The following CARD14 variants were observed in gnomAD, a reference collection of about 807,000 sequenced individuals.
CARD14 encodes caspase recruitment domain-containing protein 14.
In CARD14, 107 loss-of-function variants were observed where a neutral mutation model predicts 111.5. The observed-to-expected ratio is 0.96, with a 90% CI of 0.82 to 1.13. The LOEUF is 1.13. Among genes scored for constraint, CARD14 ranks in the 50% most tolerant of loss-of-function variants. CARD14 has a pLI of 0.00. For synonymous variants in CARD14, 617 were observed against 579.6 expected, an observed-to-expected ratio of 1.06 and a Z score of -0.93; for missense variants, 1,322 against 1,362.3, an observed-to-expected ratio of 0.97 and a Z score of 0.47.
intron 1 of CARD14, among the ~76,000 whole-genome samples, chr17:80,171,125 G>T (rs2144056106): frequency 6.7e-6 from 1 of 149,784 alleles, no homozygotes; most frequent in East Asian, 2.0e-4. Context: ...ACGGGCGTGA[G>T]CCACGGCTCC....
Position 80,207,051 on chromosome 17 carries a change from G to A in CARD14, c.2773G>A (p.Val925Ile), listed in dbSNP as rs372586928. 2.7e-4 allele frequency: 428 copies of A among 1,613,848 alleles called. No homozygotes were observed. The highest frequency in any genetic ancestry group is 6.8e-4 in the Admixed American group (41 of 60,010). Residue 925 changes from valine (V) to isoleucine (I), a missense_variant, in exon 23 of 24, where the codon GTC (valine) becomes ATC (isoleucine). Coordinates refer to ENST00000648509, the MANE Select transcript of CARD14 (RefSeq NM_001366385.1). ...GGACATCTTCCCCATCGTCATCCAC[G>A]TCTCTGTCAACGAGAAGATGGCAAA... ...RMDIFPIVIH[V>I]SVNEKMAKKL...
At chr17:80,192,696 G>A in intron 12 of CARD14, 77 bp downstream of exon 12, 1 of 983,662 alleles carries the variant, frequency 1.0e-6, no homozygotes, top group Admixed American at 1.9e-5. Context: ...CAGGACGAAA[G>A]TGAGCCTCCT....
Position 80,198,094 on chromosome 17 carries a change from C to T in CARD14, c.1595-5C>T. ...AAGATCTGTGAGCTCTTGGCTTCCT[C>T]CCAGACCTTCCGCAGCTGGAAAGCA... On this transcript the variant is annotated splice_region_variant and splice_polypyrimidine_tract_variant and intron_variant, in intron 14 of 23. Coordinates refer to ENST00000648509, the MANE Select transcript of CARD14 (RefSeq NM_001366385.1). The surrounding 1 kb of genome is among the most constrained non-coding windows in gnomAD (Gnocchi z 7.5). 1 of 1,613,432 alleles carries T rather than the reference C, an allele frequency of 6.2e-7. No homozygotes were observed. The highest frequency in any genetic ancestry group is 2.2e-5 in the East Asian group (1 of 44,864).
Position 80,204,326 on chromosome 17 carries a change from C to A in CARD14, c.2383C>A (p.Pro795Thr). 1.3e-6 allele frequency: 2 copies of A among 1,581,060 alleles called. No homozygotes were observed. The highest frequency in any genetic ancestry group is 2.7e-5 in the African/African-American group (2 of 74,268). Residue 795 changes from proline to threonine, a missense_variant, in exon 20 of 24, where the codon CCC becomes ACC. Transcript: ENST00000648509. Reference sequence around the variant, plus strand: ...GTCCTTTGACAGGGGCCAGTTGGACCCCAGCAGGATGGAGGGTGAGGCCTG... The same window carrying A: ...GTCCTTTGACAGGGGCCAGTTGGACACCAGCAGGATGGAGGGTGAGGCCTG... ...RLSFDRGQLD[P>T]SRMEGSSTCF...
intron 2 of CARD14, among the ~76,000 whole-genome samples, chr17:80,175,836 G>A (rs1215466259): frequency 6.6e-6 from 1 of 151,792 alleles, no homozygotes; most frequent in Non-Finnish European, 1.5e-5. Flanking sequence ...CCCTGGGGTG[G>A]CAGGGGCAGA....
intron 16 of CARD14, chr17:80,200,632 G>A (rs1490753554): frequency 6.6e-6 from 1 of 152,154 alleles, no homozygotes; most frequent in Non-Finnish European, 1.5e-5. Flanking sequence ...CCACAGACCG[G>A]GTTGTGGGGG....
At chr17:80,199,733 A>AC (rs2040873251) in intron 16 of CARD14, among the ~76,000 whole-genome samples, 1 of 150,954 alleles carries the variant, frequency 6.6e-6, no homozygotes, top group South Asian at 2.1e-4. Flanking sequence ...ACAAAAAAAA[A>AC]AAAAAAATAG....
In CARD14 at chr17:80,198,427, C is replaced by T. The variant is rs560820008; in HGVS notation, c.1687C>T (p.Arg563Cys). 56 of 1,607,456 alleles carry T rather than the reference C, an allele frequency of 3.5e-5. No homozygotes were observed. Among genetic ancestry groups the T allele is most frequent in the South Asian group, 1.2e-4 (11 of 90,752 alleles). Reference protein sequence around the residue: ...SGVLMRRRPARRILSQVTMLA... With the variant: ...SGVLMRRRPACRILSQVTMLA... ...CGTCCTCATGCGGCGGAGGCCAGCC[C>T]GCAGGATCCTGAGCCAGGTCACCAT... Residue 563 changes from arginine to cysteine, a missense_variant, in exon 16 of 24, where the codon CGC becomes TGC. By Grantham distance (180) the Arg-to-Cys change is radical (BLOSUM62 -3). Transcript: ENST00000648509. This position sits in a 1 kb window ranked among gnomAD's most constrained non-coding sequence, Gnocchi z 7.5.
Position 80,178,580 on chromosome 17 carries a change from C to A in CARD14, c.-294C>A, listed in dbSNP as rs1395347356. On this transcript the variant is annotated 5_prime_UTR_variant, in exon 3 of 24. Transcript: ENST00000648509. ...AGGAGGCAGCTGGCACCACACTGGGCTTTGGAGACACTGCGGGGACTGTGG... is the reference window on the plus strand; with the variant it reads ...AGGAGGCAGCTGGCACCACACTGGGATTTGGAGACACTGCGGGGACTGTGG... The A allele has an allele frequency of 6.6e-6, 1 of 152,338 alleles. No homozygotes were observed. Among genetic ancestry groups the A allele is most frequent in the Admixed American group, 6.5e-5 (1 of 15,272 alleles). 9.4% of individuals were successfully genotyped at this position (152,338 alleles called of 1,614,324 possible).
In CARD14 at chr17:80,184,032, C is replaced by G; in HGVS notation, c.469C>G (p.Gln157Glu). 1 of 1,587,016 alleles carries G rather than the reference C, an allele frequency of 6.3e-7. No homozygotes were observed. The highest frequency in any genetic ancestry group is 8.6e-7 in the Non-Finnish European group (1 of 1,166,540). Residue 157 changes from glutamine (Q) to glutamate (E), a missense_variant, in exon 7 of 24, where the codon CAG (glutamine) becomes GAG (glutamate). Coordinates refer to ENST00000648509, the MANE Select transcript of CARD14 (RefSeq NM_001366385.1). ...GCTGCTGCGGCGGTGCCAGCAGCTG[C>G]AGGAGCACCTGGGCCTGGCCGAGAC... ...EVLLRRCQQL[Q>E]EHLGLAETRA...
Position 80,201,721 on chromosome 17 carries a change from T to C in CARD14, c.1852-23T>C. 1.2e-6 allele frequency: 2 copies of C among 1,613,692 alleles called. No homozygotes were observed. Among genetic ancestry groups the C allele is most frequent in the Non-Finnish European group, 1.7e-6 (2 of 1,179,816 alleles). ...ATTCAGAGTCCCGGGGGAAAGAGAC[T>C]GACCTTCTCGACTTGCCCTCAGGTT... is the stretch of plus-strand genomic sequence containing the variant. On this transcript the variant is annotated intron_variant, in intron 16 of 23. Transcript: ENST00000648509. This position sits in a 1 kb window ranked among gnomAD's most constrained non-coding sequence, Gnocchi z 5.0.
chr17:80,198,822 AC>A lies in CARD14; in HGVS notation c.1851+233del. ...GTGCTGCTGCCATGCGGCGCTTCTGACCAGGGGTCTTTGCATGAGGCCCCTT... is the reference window on the plus strand; with the variant it reads ...GTGCTGCTGCCATGCGGCGCTTCTGACAGGGGTCTTTGCATGAGGCCCCTT... On this transcript the variant is annotated intron_variant, in intron 16 of 23. Coordinates refer to ENST00000648509, the MANE Select transcript of CARD14 (RefSeq NM_001366385.1). The surrounding 1 kb of genome is among the most constrained non-coding windows in gnomAD (Gnocchi z 7.5). 1.4e-6 allele frequency: 2 copies of A among 1,466,150 alleles called. No individual in the cohort carries two copies. Among genetic ancestry groups the A allele is most frequent in the Non-Finnish European group, 1.8e-6 (2 of 1,113,754 alleles). The allele number at this position is 1,466,150 out of a possible 1,614,324, so 90.8% of individuals were successfully genotyped here.
In CARD14 at chr17:80,208,371, T is replaced by A; in HGVS notation, c.*26T>A. ...TGCACCGTGCCCCTTCCCGGGACTG[T>A]GGGGGCTTCTGTGTGCCTGTTAATG... On this transcript the variant is annotated 3_prime_UTR_variant, in exon 24 of 24. Coordinates refer to ENST00000648509, the MANE Select transcript of CARD14 (RefSeq NM_001366385.1). The A allele has an allele frequency of 6.5e-7, 1 of 1,541,148 alleles. No individual in the cohort carries two copies. Among genetic ancestry groups the A allele is most frequent in the Non-Finnish European group, 8.8e-7 (1 of 1,135,888 alleles).
At chr17:80,187,291 G>C (rs1322849583) in intron 7 of CARD14, among the ~76,000 whole-genome samples, 1 of 152,218 alleles carries the variant, frequency 6.6e-6, no homozygotes, top group African/African-American at 2.4e-5. Context: ...TGCCGGACTT[G>C]TTTGTAATTC....
Position 80,201,777 on chromosome 17 carries a change from G to A in CARD14, c.1885G>A (p.Ala629Thr), listed in dbSNP as rs768884570. ...CGAAGCCTCAGAGCCCTTGTTCAAG[G>A]CAGTCCTGGAGGACACGACCCTGGA... ...DYEASEPLFK[A>T]VLEDTTLEEA... Residue 629 changes from alanine to threonine, a missense_variant, in exon 17 of 24, where the codon GCA becomes ACA. Transcript: ENST00000648509. This position sits in a 1 kb window ranked among gnomAD's most constrained non-coding sequence, Gnocchi z 5.0. 11 of 1,613,908 alleles carry A rather than the reference G, an allele frequency of 6.8e-6. No homozygotes were observed. In the South Asian group the frequency reaches 1.1e-4, roughly 16 times the overall value.
intron 22 of CARD14, among the ~76,000 whole-genome samples, chr17:80,206,298 T>TA (rs1432012504): frequency 3.3e-5 from 5 of 151,508 alleles, no homozygotes; most frequent in African/African-American, 1.2e-4. Flanking sequence ...GACCCGTCTC[T>TA]AAAAAAAATT....
chr17:80,170,127 G>T (rs1274480520), intron 1 of CARD14, 71 bp downstream of exon 1: 2 of 134,956 alleles, frequency 1.5e-5, no homozygotes, highest in African/African-American at 5.2e-5. Context: ...GAGGGGCTCA[G>T]CCGACACAGG....
chr17:80,208,590 A>T lies in CARD14; in HGVS notation c.*245A>T. ...CTTTACCAGGCTTGGCATGGTCTGA[A>T]CTGGAAACCCTGAGAATGTTTCTGC... On this transcript the variant is annotated 3_prime_UTR_variant, in exon 24 of 24. Transcript: ENST00000648509. 2.3e-6 allele frequency: 1 copy of T among 444,240 alleles called. No homozygotes were observed. Among genetic ancestry groups the T allele is most frequent in the Non-Finnish European group, 4.0e-6 (1 of 252,168 alleles). The allele number at this position is 444,240 out of a possible 1,614,324, so 27.5% of individuals were successfully genotyped here.
rs2041211424 is a variant in CARD14 at position 80,205,055 on chromosome 17, G to A, written c.2419G>A (p.Ala807Thr). 1.2e-6 allele frequency: 2 copies of A among 1,603,830 alleles called. No individual in the cohort carries two copies. The highest frequency in any genetic ancestry group is 8.5e-7 in the Non-Finnish European group (1 of 1,174,528). ...RMEGSSTCFW[A>T]ESCLTLVPYT... is the part of the protein sequence containing the mutation. ...CACAGGCTCCAGCACGTGCTTCTGG[G>A]CCGAGAGCTGCCTCACCCTGGTGCC... Residue 807 changes from alanine (A) to threonine (T), a missense_variant, in exon 21 of 24, where the codon GCC becomes ACC. Ala to Thr is a moderately conservative substitution (Grantham distance 58). Transcript: ENST00000648509.
Sources: allele counts gnomAD v4.1 joint callset (sites outside exome capture counted in the v4.1 genomes callset), GRCh38; gene constraint gnomAD v4.1.1; non-coding constraint Gnocchi (gnomAD v3.1); transcripts MANE v1.5; gene names NCBI Gene and HGNC (gene_info 2026-07-23, HGNC 2026-07-21).